The following COTL1 variants were observed in gnomAD, a reference collection of about 807,000 sequenced individuals.
The protein encoded by COTL1 is coactosin like F-actin binding protein 1, also known as coactosin-like protein.
COTL1 carries 15 observed loss-of-function variants against 16.5 expected under a neutral mutation model. The ratio of observed to expected loss-of-function variants is 0.91; its 90% CI spans 0.61 to 1.40. COTL1 has a LOEUF of 1.40. COTL1 is among the 40% of genes most tolerant of loss of function. The pLI, the probability that COTL1 is intolerant of heterozygous loss-of-function variation, is 0.00. For synonymous variants in COTL1, 112 were observed against 85.3 expected (o/e 1.31, Z -1.73); for missense variants, 220 against 201.5 (o/e 1.09, Z -0.56).
intron 3 of COTL1, among the ~76,000 whole-genome samples, chr16:84,588,610 A>G (rs1567534713): frequency 6.6e-6 from 1 of 152,088 alleles, no homozygotes; most frequent in African/African-American, 2.4e-5. Flanking sequence ...TCCTAGGCTC[A>G]AGCCATCCTC....
intron 2 of COTL1, among the ~76,000 whole-genome samples, chr16:84,615,061 G>A (rs1043070913): frequency 2.0e-5 from 3 of 152,232 alleles, no homozygotes; most frequent in Non-Finnish European, 2.9e-5. Context: ...GTCGAGCGTG[G>A]TGACTGCTAT....
At position 84,614,015 on chromosome 16, in the gene COTL1, C is replaced by G. The variant is rs540857605; in HGVS notation, c.160+3486G>C. ...TCTGCCCAGGGGCTAAACCTCCCCC[C>G]TCCCCGCAAGAATGGAGGTGAAGGA... On this transcript the variant is annotated intron_variant, in intron 2 of 3. Transcript: ENST00000262428. Among the ~76,000 whole-genome samples the G allele has an allele frequency of 2.2e-3, 333 of 152,304 alleles. 4 individuals carry two copies. The Middle Eastern group carries it at 0.041, about 19-fold the overall frequency.
intron 2 of COTL1, among the ~76,000 whole-genome samples, chr16:84,601,415 AC>A (rs1465276026): frequency 5.9e-5 from 9 of 152,184 alleles, no homozygotes; most frequent in Non-Finnish European, 1.2e-4. Context: ...GGCAGCTGTG[AC>A]CAGGACTGGC....
chr16:84,591,024 C>T (rs1597176087), intron 2 of COTL1, among the ~76,000 whole-genome samples: 1 of 152,054 alleles, frequency 6.6e-6, no homozygotes, highest in Non-Finnish European at 1.5e-5. Context: ...ATTAAAATGG[C>T]TTTGAGGGCT....
chr16:84,580,979 A>G (rs1445375360), intron 3 of COTL1, among the ~76,000 whole-genome samples: 3 of 152,110 alleles, frequency 2.0e-5, no homozygotes, highest in African/African-American at 7.2e-5. Context: ...CATCTCTACT[A>G]AAAATACAAA....
At chr16:84,615,048 C>T (rs1218880000) in intron 2 of COTL1, among the ~76,000 whole-genome samples, 3 of 152,210 alleles carry the variant, frequency 2.0e-5, no homozygotes, top group Non-Finnish European at 4.4e-5. Flanking sequence ...CAAGATAAGG[C>T]ACGTCGAGCG....
At chr16:84,584,771 T>G (rs922135917) in intron 3 of COTL1, among the ~76,000 whole-genome samples, 1 of 152,190 alleles carries the variant, frequency 6.6e-6, no homozygotes, top group African/African-American at 2.4e-5. Context: ...TAAGACATTG[T>G]TCTAAGCACT....
chr16:84,598,818 C>A (rs1392951391), intron 2 of COTL1, among the ~76,000 whole-genome samples: 1 of 35,724 alleles, frequency 2.8e-5, no homozygotes, highest in Non-Finnish European at 6.9e-5. Flanking sequence ...GACCAAGCGG[C>A]AGGGGTGGGG....
At chr16:84,606,963 G>A (rs1005474568) in intron 2 of COTL1, among the ~76,000 whole-genome samples, 3 of 152,164 alleles carry the variant, frequency 2.0e-5, no homozygotes, top group South Asian at 4.1e-4. Context: ...CAGCCAGCAC[G>A]TGCTGGGAAA....
chr16:84,616,725 G>A (rs1905495506), intron 2 of COTL1, among the ~76,000 whole-genome samples: 1 of 152,094 alleles, frequency 6.6e-6, no homozygotes, highest in South Asian at 2.1e-4. Context: ...TGCCTGCCAC[G>A]TGGTCTTTCT....
At chr16:84,598,158 T>C (rs780642617) in intron 2 of COTL1, among the ~76,000 whole-genome samples, 2 of 152,164 alleles carry the variant, frequency 1.3e-5, no homozygotes, top group Non-Finnish European at 2.9e-5. Flanking sequence ...ATTTGAAGAC[T>C]ATGGATGCCC....
Position 84,590,055 on chromosome 16 carries a change from T to C in COTL1, c.318+50A>G. 1.3e-6 allele frequency: 2 copies of C among 1,568,020 alleles called. No homozygotes were observed. The highest frequency in any genetic ancestry group is 1.7e-6 in the Non-Finnish European group (2 of 1,148,946). On this transcript the variant is annotated intron_variant, in intron 3 of 3. Transcript: ENST00000262428. This position sits in a 1 kb window ranked among gnomAD's most constrained non-coding sequence, Gnocchi z 5.5. Reference sequence around the variant, plus strand: ...CCCAGCCCTCTCCCTCCTTGCAGGATGGTGACCCTTGGCGAGCTTTGACCT... The same window carrying C: ...CCCAGCCCTCTCCCTCCTTGCAGGACGGTGACCCTTGGCGAGCTTTGACCT...
chr16:84,604,885 C>T (rs914314014), intron 2 of COTL1, among the ~76,000 whole-genome samples: 3 of 152,210 alleles, frequency 2.0e-5, no homozygotes, highest in Non-Finnish European at 2.9e-5. Flanking sequence ...TTATAAGCAG[C>T]GTAGAATTCT....
intron 3 of COTL1, among the ~76,000 whole-genome samples, chr16:84,589,176 A>C (rs946537984): frequency 6.6e-6 from 1 of 151,280 alleles, no homozygotes. Context: ...GGGTCTCACT[A>C]TGTTGCCCAG....
At chr16:84,599,140 G>A (rs1359339859) in intron 2 of COTL1, among the ~76,000 whole-genome samples, 1 of 130,666 alleles carries the variant, frequency 7.7e-6, no homozygotes, top group Non-Finnish European at 1.5e-5. Flanking sequence ...CACTGAGGAA[G>A]AGATTCTGAC....
intron 2 of COTL1, among the ~76,000 whole-genome samples, chr16:84,597,927 G>C (rs539844287): frequency 8.5e-5 from 13 of 152,214 alleles, no homozygotes; most frequent in Non-Finnish European, 1.5e-4. Flanking sequence ...TCAGCCCTGG[G>C]TACCAGGAGG....
intron 2 of COTL1, among the ~76,000 whole-genome samples, chr16:84,601,856 C>T (rs1488441804): frequency 6.6e-6 from 1 of 152,294 alleles, no homozygotes; most frequent in East Asian, 1.9e-4. Context: ...GACAGAACTC[C>T]AGACAAAGCA....
At chr16:84,585,353 CAAA>C (rs5818498) in intron 3 of COTL1, among the ~76,000 whole-genome samples, 1 of 126,998 alleles carries the variant, frequency 7.9e-6, no homozygotes, top group Non-Finnish European at 1.7e-5. Flanking sequence ...AGATTGTCTC[CAAA>C]AAAAAAAAAA....
intron 3 of COTL1, among the ~76,000 whole-genome samples, chr16:84,573,472 T>C (rs1904378336): frequency 6.6e-6 from 1 of 152,146 alleles, no homozygotes; most frequent in Non-Finnish European, 1.5e-5. Context: ...AAGGTATGCA[T>C]CATGAACATT....
Sources: allele counts gnomAD v4.1 joint callset (sites outside exome capture counted in the v4.1 genomes callset), GRCh38; gene constraint gnomAD v4.1.1; non-coding constraint Gnocchi (gnomAD v3.1); transcripts MANE v1.5; gene names NCBI Gene and HGNC (gene_info 2026-07-23, HGNC 2026-07-21).